Variants in LRRC4C observed in about 807,000 individuals in gnomAD.
The protein encoded by LRRC4C is leucine-rich repeat-containing protein 4C.
A neutral mutation model predicts 33.6 loss-of-function variants in LRRC4C; 5 were observed. The observed-to-expected ratio is 0.15, with a 90% CI of 0.08 to 0.31. The LOEUF (loss-of-function observed/expected upper bound fraction) is 0.31. Ranked by LOEUF, LRRC4C falls within the 10% of genes least tolerant of loss-of-function variation. LRRC4C has a pLI of 1.00. For missense variants in LRRC4C, 560 were observed against 796.7 expected (o/e 0.70, Z 3.58); for synonymous variants, 329 against 302.0 (o/e 1.09, Z -0.93).
intron 1 of LRRC4C, among the ~76,000 whole-genome samples, chr11:41,237,019 A>G (rs1948054135): frequency 6.6e-6 from 1 of 152,226 alleles, no homozygotes; most frequent in South Asian, 2.1e-4. Flanking sequence ...ATATACGTTG[A>G]GGTATAAAAA....
At chr11:40,658,879 T>A (rs1177628544) in intron 2 of LRRC4C, among the ~76,000 whole-genome samples, 1 of 152,232 alleles carries the variant, frequency 6.6e-6, no homozygotes, top group African/African-American at 2.4e-5. Flanking sequence ...CCATCTGCAA[T>A]GACCACTGTG....
chr11:40,972,236 A>T (rs1410006180), intron 1 of LRRC4C, among the ~76,000 whole-genome samples: 1 of 150,922 alleles, frequency 6.6e-6, no homozygotes, highest in African/African-American at 2.4e-5. Context: ...TCTTGGGTTC[A>T]TGCAATTCTC....
At chr11:40,272,954 A>T (rs1942817991) in intron 4 of LRRC4C, among the ~76,000 whole-genome samples, 1 of 150,164 alleles carries the variant, frequency 6.7e-6, no homozygotes, top group Admixed American at 6.9e-5. Context: ...CAAAATAGTG[A>T]CTTAAGACGC....
At chr11:41,418,556 A>T (rs952026888) in intron 1 of LRRC4C, among the ~76,000 whole-genome samples, 2 of 152,078 alleles carry the variant, frequency 1.3e-5, no homozygotes, top group African/African-American at 4.8e-5. Flanking sequence ...ATGGAAAGGC[A>T]GATAACATGT....
At chr11:41,059,964 G>T (rs1428940155) in intron 1 of LRRC4C, among the ~76,000 whole-genome samples, 1 of 152,134 alleles carries the variant, frequency 6.6e-6, no homozygotes, top group Non-Finnish European at 1.5e-5. Context: ...GGCAGAGGTT[G>T]CAATCAGCCG....
chr11:40,817,648 C>T (rs1208194125), intron 2 of LRRC4C, among the ~76,000 whole-genome samples: 1 of 152,106 alleles, frequency 6.6e-6, no homozygotes, highest in Admixed American at 6.6e-5. Context: ...AAACATCATC[C>T]AGTAATTTGC....
intron 1 of LRRC4C, among the ~76,000 whole-genome samples, chr11:41,358,460 G>C (rs1468106542): frequency 2.0e-5 from 3 of 152,134 alleles, no homozygotes; most frequent in Non-Finnish European, 2.9e-5. Context: ...AGAAGGAGAA[G>C]ATAAGCCAGA....
At chr11:40,745,016 T>A (rs1365725840) in intron 2 of LRRC4C, among the ~76,000 whole-genome samples, 1 of 152,136 alleles carries the variant, frequency 6.6e-6, no homozygotes, top group Non-Finnish European at 1.5e-5. Context: ...ATTAAGGCAT[T>A]GCATAAAATA....
At chr11:40,302,543 T>A (rs576128510) in intron 4 of LRRC4C, among the ~76,000 whole-genome samples, 6 of 152,282 alleles carry the variant, frequency 3.9e-5, no homozygotes, top group East Asian at 1.9e-4. Flanking sequence ...TCTTTTTTTT[T>A]ATTCCTTTAT....
intron 1 of LRRC4C, among the ~76,000 whole-genome samples, chr11:41,447,129 AAG>A (rs1256399205): frequency 1.3e-5 from 2 of 152,142 alleles, no homozygotes; most frequent in Non-Finnish European, 2.9e-5. Context: ...GGTAGAGTAT[AAG>A]CTCCTTTAAA....
intron 1 of LRRC4C, among the ~76,000 whole-genome samples, chr11:41,152,449 T>G (rs966365232): frequency 6.6e-6 from 1 of 152,222 alleles, no homozygotes; most frequent in South Asian, 2.1e-4. Context: ...GATAGCCTGA[T>G]GGCCTACAGT....
intron 5 of LRRC4C, among the ~76,000 whole-genome samples, chr11:40,177,595 G>A (rs183071091): frequency 2.4e-4 from 37 of 152,160 alleles, no homozygotes; most frequent in East Asian, 1.2e-3. Flanking sequence ...TCACAGTCTC[G>A]TCTCTTTCTG....
At chr11:40,340,585 T>G (rs1946823972) in intron 3 of LRRC4C, among the ~76,000 whole-genome samples, 1 of 152,336 alleles carries the variant, frequency 6.6e-6, no homozygotes, top group African/African-American at 2.4e-5. Context: ...AATGGCTGTG[T>G]GCAGGTACTC....
intron 2 of LRRC4C, among the ~76,000 whole-genome samples, chr11:40,811,738 T>A (rs1951499527): frequency 6.6e-6 from 1 of 152,120 alleles, no homozygotes; most frequent in Admixed American, 6.5e-5. Context: ...TCAAGCAATA[T>A]GCCTGCCTCA....
chr11:40,997,846 T>C (rs1488847394), intron 1 of LRRC4C, among the ~76,000 whole-genome samples: 1 of 152,122 alleles, frequency 6.6e-6, no homozygotes. Context: ...AAACTTGCAG[T>C]TATTCACCTT....
intron 3 of LRRC4C, among the ~76,000 whole-genome samples, chr11:40,453,173 A>G (rs1297507905): frequency 2.3e-5 from 3 of 131,614 alleles, no homozygotes; most frequent in Non-Finnish European, 5.1e-5. Flanking sequence ...CTAAAACTTA[A>G]AGTATAATAA....
intron 2 of LRRC4C, among the ~76,000 whole-genome samples, chr11:40,747,781 C>T (rs1206164766): frequency 6.6e-6 from 1 of 151,940 alleles, no homozygotes; most frequent in Non-Finnish European, 1.5e-5. Flanking sequence ...AAATACATGA[C>T]AAAGCTTCAA....
chr11:41,234,107 G>A (rs1435885159), intron 1 of LRRC4C, among the ~76,000 whole-genome samples: 2 of 151,684 alleles, frequency 1.3e-5, no homozygotes, highest in African/African-American at 4.8e-5. Context: ...TATATCTTAG[G>A]GCTCATACCT....
At chr11:41,190,727 T>C (rs1389566698) in intron 1 of LRRC4C, among the ~76,000 whole-genome samples, 2 of 152,166 alleles carry the variant, frequency 1.3e-5, no homozygotes, top group African/African-American at 4.8e-5. Context: ...AAATCTGAAA[T>C]GACGTGACAC....
Sources: allele counts gnomAD v4.1 joint callset (sites outside exome capture counted in the v4.1 genomes callset), GRCh38; gene constraint gnomAD v4.1.1; transcripts MANE v1.5; gene names NCBI Gene and HGNC (gene_info 2026-07-23, HGNC 2026-07-21).